The following INTS7 variants were observed in gnomAD, a reference collection of about 807,000 sequenced individuals.
INTS7 encodes chromosome 1 open reading frame 73.
In INTS7, 46 loss-of-function variants were observed where a neutral mutation model predicts 109.2. The observed-to-expected ratio is 0.42, with a 90% CI of 0.33 to 0.54. The LOEUF (loss-of-function observed/expected upper bound fraction) is 0.54. INTS7 is among the 20% of genes least tolerant of loss of function. The probability of loss-of-function intolerance (pLI) is 0.07; values close to 1 mark genes in which losing one functional copy is unlikely to be tolerated. For synonymous variants in INTS7, 412 were observed against 402.9 expected (o/e 1.02, Z -0.27); for missense variants, 929 against 1,132.4 (o/e 0.82, Z 2.58).
At chr1:212,023,094 T>C (rs968362273) in intron 1 of INTS7, among the ~76,000 whole-genome samples, 14 of 152,246 alleles carry the variant, frequency 9.2e-5, no homozygotes, top group Non-Finnish European at 1.9e-4. Context: ...CATTCTTTTT[T>C]ATGGCTGCAT....
intron 4 of INTS7, among the ~76,000 whole-genome samples, chr1:212,015,101 G>A (rs12750872): frequency 0.074 from 10,424 of 141,464 alleles, 449 homozygotes; most frequent in Admixed American, 0.14. Context: ...GGCGGCCCCC[G>A]CCCGGGCAGC....
At chr1:212,033,803 C>T (rs993208728) in intron 1 of INTS7, among the ~76,000 whole-genome samples, 1 of 152,080 alleles carries the variant, frequency 6.6e-6, no homozygotes, top group East Asian at 1.9e-4. Flanking sequence ...CATTTAAGGC[C>T]GGGCGCGGTG....
rs1269997658 is a variant in INTS7 at position 211,941,775 on chromosome 1, T to C, written c.*49A>G. 3 of 1,577,606 alleles carry C rather than the reference T, an allele frequency of 1.9e-6. No individual in the cohort carries two copies. The highest frequency in any genetic ancestry group is 2.4e-5 in the South Asian group (2 of 84,322). On this transcript the variant is annotated 3_prime_UTR_variant, in exon 20 of 20. Transcript: ENST00000366994. ...TCCATATGAAAAACCAAACTGTTTC[T>C]GGCAATTTGATTGATCTCTTGAGAG... is the stretch of plus-strand genomic sequence containing the variant.
intron 13 of INTS7, among the ~76,000 whole-genome samples, chr1:211,969,722 ATTT>A (rs762057924): frequency 7.1e-6 from 1 of 140,992 alleles, no homozygotes; most frequent in African/African-American, 2.6e-5. Flanking sequence ...TGCCTGGCTA[ATTT>A]TTTTTTTTTT....
rs1269879987 is a variant in INTS7, at chr1:211,940,872, G to T, written c.*952C>A. ...TTCACTTTTGGAAACAATGTGAAAT[G>T]TCTGTATTATACACAGTTGCAGACA... On this transcript the variant is annotated 3_prime_UTR_variant, in exon 20 of 20. Coordinates refer to ENST00000366994, the MANE Select transcript of INTS7 (RefSeq NM_015434.4). 6.6e-6 allele frequency: 1 copy of T among 152,170 alleles called. No individual in the cohort carries two copies. The highest frequency in any genetic ancestry group is 2.4e-5 in the African/African-American group (1 of 41,428). 9.4% of individuals were successfully genotyped at this position (152,170 alleles called of 1,614,324 possible). A position where few individuals can be genotyped will look rare whatever the true frequency, so the allele number is the denominator to read the frequency against.
chr1:211,955,677 G>A (rs1487652218), intron 16 of INTS7, among the ~76,000 whole-genome samples: 2 of 152,182 alleles, frequency 1.3e-5, no homozygotes, highest in East Asian at 1.9e-4. Flanking sequence ...TGCCTACTAT[G>A]TACAAGGCAT....
At chr1:211,981,621 C>T (rs1488072451) in intron 9 of INTS7, among the ~76,000 whole-genome samples, 1 of 152,084 alleles carries the variant, frequency 6.6e-6, no homozygotes, top group Admixed American at 6.5e-5. Flanking sequence ...AAAGCTGAAC[C>T]ACTTTTAGGA....
intron 13 of INTS7, among the ~76,000 whole-genome samples, chr1:211,974,276 A>AAAAAAAATAT (rs1553249481): frequency 2.2e-5 from 2 of 92,420 alleles, no homozygotes; most frequent in African/African-American, 8.5e-5. Context: ...AGAAAAAAAA[A>AAAAAAAATAT]ATATATATAT....
chr1:211,982,644 T>C lies in INTS7; in HGVS notation c.1132+32A>G, dbSNP rs774885384. The stretch of plus-strand genomic sequence containing the variant: ...TTCTGTCCAAGGTCTAAACCAAAGT[T>C]TATACGTAATATCAGTCCTGATCAA... On this transcript the variant is annotated intron_variant, in intron 9 of 19. Transcript: ENST00000366994. 1.7e-5 allele frequency: 26 copies of C among 1,526,242 alleles called. No homozygotes were observed. The Admixed American group carries it at 5.3e-4, about 31-fold the overall frequency. The allele number at this position is 1,526,242 out of a possible 1,614,324, so 94.5% of individuals were successfully genotyped here.
Position 212,006,629 on chromosome 1 carries a change from T to G in INTS7, c.879+10A>C. The G allele has an allele frequency of 6.9e-7, 1 of 1,444,580 alleles. No homozygotes were observed. Among genetic ancestry groups the G allele is most frequent in the South Asian group, 1.4e-5 (1 of 71,588 alleles). The allele number at this position is 1,444,580 out of a possible 1,614,324, so 89.5% of individuals were successfully genotyped here. On this transcript the variant is annotated intron_variant, in intron 7 of 19. Transcript: ENST00000366994. ...TTTTTTCTATATAAAATGTTACAAG[T>G]TCTACATACCTGAATATTCTCCCTA...
rs970629626 is a variant in INTS7 at position 211,951,384 on chromosome 1, C to A, written c.2316+1185G>T. ...AGTGCAGTGGCGCTATCTCAGCTCA[C>A]TGCAACCTCCGCCACCCGGTTCAAG... On this transcript the variant is annotated intron_variant, in intron 17 of 19. Coordinates refer to ENST00000366994, the MANE Select transcript of INTS7 (RefSeq NM_015434.4). Among the ~76,000 whole-genome samples, 3 of 152,166 alleles carry A rather than the reference C, an allele frequency of 2.0e-5. No individual in the cohort carries two copies. In the East Asian group the frequency reaches 5.8e-4, roughly 29 times the overall value.
chr1:211,941,881 C>G lies in INTS7; in HGVS notation c.2832G>C (p.Gln944His), dbSNP rs1346947049. ...PYSQQIRLQQQQAQQPLQQQQ... is the reference protein window; with the variant it reads ...PYSQQIRLQQHQAQQPLQQQQ... ...GCTGCTGTAATGGCTGCTGGGCTTG[C>G]TGCTGTTGTAAGCGAATTTGCTGGG... is the stretch of plus-strand genomic sequence containing the variant. Residue 944 changes from glutamine to histidine, a missense_variant, in exon 20 of 20, where the codon CAG becomes CAC. Gln to His is a conservative substitution (Grantham distance 24, BLOSUM62 0). This residue lies in a region of INTS7 where 787 missense variants were observed against 901.1 expected (regional missense o/e 0.87). Coordinates refer to ENST00000366994, the MANE Select transcript of INTS7 (RefSeq NM_015434.4). The G allele has an allele frequency of 6.2e-7, 1 of 1,614,178 alleles. No individual in the cohort carries two copies. Among genetic ancestry groups the G allele is most frequent in the South Asian group, 1.1e-5 (1 of 91,084 alleles).
chr1:211,964,392 T>C (rs1663777341), intron 16 of INTS7, among the ~76,000 whole-genome samples: 1 of 152,290 alleles, frequency 6.6e-6, no homozygotes, highest in South Asian at 2.1e-4. Flanking sequence ...ATGGCCATAC[T>C]GCCCAAAGCA....
intron 7 of INTS7, among the ~76,000 whole-genome samples, chr1:212,002,167 A>G (rs1665701592): frequency 6.6e-6 from 1 of 152,214 alleles, no homozygotes; most frequent in South Asian, 2.1e-4. Flanking sequence ...CTTTCTCTAC[A>G]CTATACCAGG....
In INTS7 at chr1:211,942,076, T is replaced by C. The variant is rs1571832541; in HGVS notation, c.2637A>G (p.Gln879=). 1 of 1,614,154 alleles carries C rather than the reference T, an allele frequency of 6.2e-7. No individual in the cohort carries two copies. The highest frequency in any genetic ancestry group is 8.5e-7 in the Non-Finnish European group (1 of 1,179,972). The part of the protein sequence containing the change: ...PIDNMTNEME[Q]RVEPHNDYFS... ...AGTAATCATTATGAGGTTCAACCCT[T>C]TGCTCCATCTCATTGGTCATGTTGT... Residue 879 remains glutamine (Q), a synonymous_variant, in exon 20 of 20, where the codon CAA becomes CAG. Coordinates refer to ENST00000366994, the MANE Select transcript of INTS7 (RefSeq NM_015434.4). The surrounding 1 kb of genome is among the most constrained non-coding windows in gnomAD (Gnocchi z 4.2).
Position 211,967,883 on chromosome 1 carries a change from A to G in INTS7, c.2109T>C (p.Val703=), listed in dbSNP as rs771827951. Residue 703 remains valine, a synonymous_variant, in exon 15 of 20, where the codon GTT becomes GTC. Transcript: ENST00000366994. ...FDADSATLRN[V]ELQQQSCLLI... is the part of the protein sequence containing the mutation. ...CTAGGGCAAGCTTGGGATACAGTTCAACATTCCTCAAAGTTGCTGAGTCAG... is the reference window on the plus strand; with the variant it reads ...CTAGGGCAAGCTTGGGATACAGTTCGACATTCCTCAAAGTTGCTGAGTCAG... 27 of 1,580,058 alleles carry G rather than the reference A, an allele frequency of 1.7e-5. No homozygotes were observed. In the Admixed American group the frequency reaches 4.5e-4, roughly 26 times the overall value.
chr1:211,942,125 A>G lies in INTS7; in HGVS notation c.2602-14T>C. 1 of 1,609,770 alleles carries G rather than the reference A, an allele frequency of 6.2e-7. No homozygotes were observed. Among genetic ancestry groups the G allele is most frequent in the Non-Finnish European group, 8.5e-7 (1 of 1,177,060 alleles). On this transcript the variant is annotated splice_polypyrimidine_tract_variant and intron_variant, in intron 19 of 19. Transcript: ENST00000366994. This position sits in a 1 kb window ranked among gnomAD's most constrained non-coding sequence, Gnocchi z 4.2. ...GTCAATGGGTATCTGCAATGAAACAATTGTTAACTAACAACAATGGCTAAC... is the reference window on the plus strand; with the variant it reads ...GTCAATGGGTATCTGCAATGAAACAGTTGTTAACTAACAACAATGGCTAAC...
At chr1:211,952,428 G>A (rs1284350171) in intron 17 of INTS7, 141 bp downstream of exon 17, 7 of 706,840 alleles carry the variant, frequency 9.9e-6, no homozygotes, top group African/African-American at 3.6e-5. Context: ...ACAATGCTGT[G>A]AGGTAGGTAT....
intron 16 of INTS7, among the ~76,000 whole-genome samples, chr1:211,956,070 A>G (rs1171605024): frequency 2.0e-5 from 3 of 152,198 alleles, no homozygotes; most frequent in Non-Finnish European, 2.9e-5. Flanking sequence ...GAGCCATACA[A>G]TACATACTCT....
Sources: gnomAD v4.1 joint callset for allele counts (sites outside exome capture counted in the v4.1 genomes callset) on GRCh38, gnomAD v4.1.1 for gene constraint, gnomAD v4.1.1 regional missense constraint, Gnocchi (gnomAD v3.1) non-coding constraint, MANE v1.5 for transcripts, NCBI Gene and HGNC (gene_info 2026-07-23, HGNC 2026-07-21) for gene names.